The following COL4A3 variants were observed in gnomAD, a reference collection of about 807,000 sequenced individuals.
COL4A3 encodes collagen type IV alpha 3 chain.
COL4A3 carries 135 observed loss-of-function variants against 217.4 expected under a neutral mutation model. That is an observed-to-expected ratio of 0.62 (90% CI 0.54 to 0.72). COL4A3 has a LOEUF of 0.72. Among genes scored for constraint, COL4A3 ranks in the 30% least tolerant of loss-of-function variants. The probability of loss-of-function intolerance (pLI) is 0.00; values close to 1 mark genes in which losing one functional copy is unlikely to be tolerated. For missense variants in COL4A3, 1,868 were observed against 2,119.9 expected, an observed-to-expected ratio of 0.88 and a Z score of 2.33; for synonymous variants, 690 against 736.3, an observed-to-expected ratio of 0.94 and a Z score of 1.02.
At chr2:227,274,197 A>C (rs187330165) in intron 26 of COL4A3, among the ~76,000 whole-genome samples, 32 of 152,122 alleles carry the variant, frequency 2.1e-4, no homozygotes, top group Admixed American at 1.6e-3. Flanking sequence ...AGATCGTGCT[A>C]CTGCACTCCA....
chr2:227,206,721 C>A (rs755576291), intron 1 of COL4A3, among the ~76,000 whole-genome samples: 5 of 152,106 alleles, frequency 3.3e-5, no homozygotes, highest in African/African-American at 1.2e-4. Flanking sequence ...TTTGTATGCA[C>A]GTGGAGGTTG....
In COL4A3 at chr2:227,248,043, G is replaced by A. The variant is rs999210371; in HGVS notation, c.469-400G>A. Among the ~76,000 whole-genome samples, 3 of 152,150 alleles carry A rather than the reference G, an allele frequency of 2.0e-5. No homozygotes were observed. In the East Asian group the frequency reaches 5.8e-4, roughly 29 times the overall value. On this transcript the variant is annotated intron_variant, in intron 8 of 51. Transcript: ENST00000396578. The stretch of plus-strand genomic sequence containing the variant: ...CAACCTCCACCTCCTGGGCTCAAGC[G>A]TTTCTTCTGTCTCAGTCTCCCAAGT...
intron 20 of COL4A3, among the ~76,000 whole-genome samples, chr2:227,262,214 T>C (rs2070624527): frequency 6.6e-6 from 1 of 152,144 alleles, no homozygotes; most frequent in Non-Finnish European, 1.5e-5. Flanking sequence ...ATAGTAGATA[T>C]CTCTTACAGT....
chr2:227,172,518 G>A (rs1246822883), intron 1 of COL4A3, among the ~76,000 whole-genome samples: 2 of 143,234 alleles, frequency 1.4e-5, no homozygotes, highest in Admixed American at 7.2e-5. Context: ...CTTCTTCTTC[G>A]TCTTTGTCAT....
chr2:227,299,192 G>A (rs538919289), intron 43 of COL4A3, among the ~76,000 whole-genome samples: 6 of 152,266 alleles, frequency 3.9e-5, no homozygotes, highest in South Asian at 2.1e-4. Flanking sequence ...TCAGGAGATC[G>A]AGACCATCCT....
intron 1 of COL4A3, among the ~76,000 whole-genome samples, chr2:227,205,103 A>T (rs1377256274): frequency 1.3e-5 from 2 of 152,252 alleles, no homozygotes; most frequent in African/African-American, 4.8e-5. Context: ...TTACAAAAAA[A>T]TTAGCATACT....
At chr2:227,246,622 A>G in intron 6 of COL4A3, 63 bp from the exon 7 acceptor site, 1 of 1,384,398 alleles carries the variant, frequency 7.2e-7, no homozygotes, top group Non-Finnish European at 1.0e-6. Flanking sequence ...GAAACAGGAA[A>G]AATATCTGAA....
chr2:227,291,012 T>C, intron 37 of COL4A3, 126 bp downstream of exon 37: 2 of 1,172,756 alleles, frequency 1.7e-6, no homozygotes, highest in Non-Finnish European at 2.4e-6. Context: ...CAGACAGTTA[T>C]TTGGATTTTT....
chr2:227,192,637 G>A (rs1215815857), intron 1 of COL4A3, among the ~76,000 whole-genome samples: 3 of 152,148 alleles, frequency 2.0e-5, no homozygotes. Context: ...GTGTCCCTTG[G>A]GACTTTGCTC....
At position 227,191,197 on chromosome 2, in the gene COL4A3, A is replaced by G. The variant is rs80053837; in HGVS notation, c.87+26384A>G. Among the ~76,000 whole-genome samples, 3,002 of 152,180 alleles carry G rather than the reference A, an allele frequency of 0.02. 96 individuals are homozygous for G. The highest frequency in any genetic ancestry group is 0.069 in the African/African-American group (2,845 of 41,532). On this transcript the variant is annotated intron_variant, in intron 1 of 51. Transcript: ENST00000396578. The surrounding 1 kb of genome is among the most constrained non-coding windows in gnomAD (Gnocchi z 6.8). ...ATACTTGGGGAATAACAAAATTTTT[A>G]TTATTATAAGTAATACTGCTATGAT...
intron 1 of COL4A3, among the ~76,000 whole-genome samples, chr2:227,184,442 G>A (rs6746912): frequency 0.55 from 83,678 of 152,004 alleles, 23,782 homozygotes; most frequent in African/African-American, 0.7. Context: ...AGTCCTTCTT[G>A]GGTGACCTTG....
intron 1 of COL4A3, among the ~76,000 whole-genome samples, chr2:227,205,214 TTATGAGGTTA>T (rs2067055485): frequency 6.6e-6 from 1 of 152,140 alleles, no homozygotes; most frequent in Non-Finnish European, 1.5e-5. Flanking sequence ...ACAAAAAATG[TTATGAGGTTA>T]TGTGAGGTTA....
rs141425127 is a variant in COL4A3, at chr2:227,256,416, C to G, written c.987+20C>G. ...ATTAAGGTAATCCTCTCCCTAATAG[C>G]CTATTTTAATAGGTTGGGTTTTGCC... On this transcript the variant is annotated intron_variant, in intron 17 of 51. Coordinates refer to ENST00000396578, the MANE Select transcript of COL4A3 (RefSeq NM_000091.5). 2.5e-3 allele frequency: 4,042 copies of G among 1,606,520 alleles called. 14 individuals are homozygous for G. The highest frequency in any genetic ancestry group is 3.1e-3 in the Admixed American group (186 of 59,982).
chr2:227,247,507 G>C (rs1470694691), intron 7 of COL4A3, 51 bp from the exon 8 acceptor site: 2 of 1,578,838 alleles, frequency 1.3e-6, no homozygotes, highest in South Asian at 2.2e-5. Flanking sequence ...CCGAGTAGGA[G>C]TGTGTGCGTT....
chr2:227,235,342 G>C (rs1281392205), intron 1 of COL4A3, among the ~76,000 whole-genome samples: 1 of 152,274 alleles, frequency 6.6e-6, no homozygotes, highest in Non-Finnish European at 1.5e-5. Flanking sequence ...ATGACTTCAT[G>C]ATCCCAAATA....
intron 43 of COL4A3, 149 bp from the exon 44 acceptor site, chr2:227,302,889 T>C: frequency 1.5e-6 from 1 of 646,834 alleles, no homozygotes; most frequent in South Asian, 1.7e-5. Context: ...AGTTATAGCC[T>C]TGATTGAAAG....
intron 43 of COL4A3, among the ~76,000 whole-genome samples, chr2:227,300,727 G>A (rs185682751): frequency 2.6e-5 from 4 of 152,324 alleles, no homozygotes; most frequent in Admixed American, 2.6e-4. Context: ...TTTTCACACT[G>A]TGTGGTAGGA....
At chr2:227,206,901 C>T (rs1367392550) in intron 1 of COL4A3, among the ~76,000 whole-genome samples, 1 of 152,184 alleles carries the variant, frequency 6.6e-6, no homozygotes, top group Non-Finnish European at 1.5e-5. Context: ...TTTGTTTGCT[C>T]ATCTAGAAAG....
chr2:227,254,401 G>A (rs1352191525), intron 14 of COL4A3, among the ~76,000 whole-genome samples: 2 of 152,020 alleles, frequency 1.3e-5, no homozygotes, highest in East Asian at 3.9e-4. Flanking sequence ...TTATTTTACG[G>A]CCACTCCTAG....
Sources: gnomAD v4.1 joint callset for allele counts (sites outside exome capture counted in the v4.1 genomes callset) on GRCh38, gnomAD v4.1.1 for gene constraint, Gnocchi (gnomAD v3.1) non-coding constraint, MANE v1.5 for transcripts, NCBI Gene and HGNC (gene_info 2026-07-23, HGNC 2026-07-21) for gene names.